RASA1: variants seen among roughly 807,000 people sequenced by gnomAD.
The protein encoded by RASA1 is RAS p21 protein activator 1.
A neutral mutation model predicts 132.2 loss-of-function variants in RASA1; 25 were observed. The observed-to-expected ratio is 0.19, with a 90% CI of 0.14 to 0.26. The LOEUF is 0.26. Ranked by LOEUF, RASA1 falls within the 10% of genes least tolerant of loss-of-function variation. The pLI is 1.00. For missense variants in RASA1, 964 were observed against 1,299.2 expected (o/e 0.74, Z 3.97); for synonymous variants, 477 against 449.9 (o/e 1.06, Z -0.76).
At position 87,268,693 on chromosome 5, in the gene RASA1, T is replaced by C; in HGVS notation, c.242T>C (p.Leu81Pro). The C allele has an allele frequency of 6.2e-7, 1 of 1,611,612 alleles. No individual in the cohort carries two copies. The highest frequency in any genetic ancestry group is 1.1e-5 in the South Asian group (1 of 90,802). ...GGAGCCGGGTCTGTGGCAGGGGCACTGGGGGGAGCTGGACTGACAGGGGGA... is the reference window on the plus strand; with the variant it reads ...GGAGCCGGGTCTGTGGCAGGGGCACCGGGGGGAGCTGGACTGACAGGGGGA... ...FLGAGSVAGA[L>P]GGAGLTGGGT... Residue 81 changes from leucine (L) to proline (P), a missense_variant, in exon 1 of 25, where the codon CTG becomes CCG. This residue lies in a region of RASA1 where 326 missense variants were observed against 275.8 expected (regional missense o/e 1.18). Transcript: ENST00000274376.
intron 20 of RASA1, among the ~76,000 whole-genome samples, chr5:87,383,197 T>C (rs908380696): frequency 1.3e-5 from 2 of 152,212 alleles, no homozygotes; most frequent in African/African-American, 4.8e-5. Context: ...AATGGATTCT[T>C]ATTTTTATGT....
chr5:87,374,459 A>ATTTTTTTTTTTT (rs770426797), intron 14 of RASA1, 139 bp downstream of exon 14: 1 of 164,164 alleles, frequency 6.1e-6, no homozygotes, highest in Admixed American at 7.3e-5. Flanking sequence ...ATATATATAT[A>ATTTTTTTTTTTT]TTTTTTTTTT....
chr5:87,390,305 C>T (rs933410039), intron 24 of RASA1, among the ~76,000 whole-genome samples: 1 of 152,274 alleles, frequency 6.6e-6, no homozygotes, highest in Middle Eastern at 3.4e-3. Context: ...ATAGTGAATG[C>T]TGTCACCGCA....
intron 9 of RASA1, among the ~76,000 whole-genome samples, chr5:87,358,912 T>G (rs1221894963): frequency 1.3e-5 from 2 of 151,500 alleles, no homozygotes; most frequent in Non-Finnish European, 2.9e-5. Flanking sequence ...CTCTTACATC[T>G]TTCAAGTTTT....
At chr5:87,369,773 T>C in intron 11 of RASA1, 40 bp from the exon 12 acceptor site, 2 of 1,459,788 alleles carry the variant, frequency 1.4e-6, no homozygotes, top group Non-Finnish European at 1.9e-6. Flanking sequence ...TTTGCTACTT[T>C]TTATTAAGCT....
chr5:87,305,822 A>C (rs1233202733), intron 1 of RASA1, among the ~76,000 whole-genome samples: 2 of 152,242 alleles, frequency 1.3e-5, no homozygotes, highest in Non-Finnish European at 2.9e-5. Context: ...GGCAAAGGAC[A>C]TGAAGAGACA....
rs774133026 is a variant in RASA1 at position 87,376,382 on chromosome 5, T to A, written c.2012-11T>A. Reference sequence around the variant, plus strand: ...CTTTTTAAACAATAATTGCTTGTTTTTCTTCCCAAGTATTTATGCGCTGCC... The same window carrying A: ...CTTTTTAAACAATAATTGCTTGTTTATCTTCCCAAGTATTTATGCGCTGCC... On this transcript the variant is annotated splice_polypyrimidine_tract_variant and intron_variant, in intron 15 of 24. Coordinates refer to ENST00000274376, the MANE Select transcript of RASA1 (RefSeq NM_002890.3). 1.5e-5 allele frequency: 25 copies of A among 1,613,716 alleles called. No individual in the cohort carries two copies. The highest frequency in any genetic ancestry group is 2.0e-5 in the Non-Finnish European group (24 of 1,179,914).
At chr5:87,288,740 C>T (rs935851160) in intron 1 of RASA1, among the ~76,000 whole-genome samples, 3 of 151,906 alleles carry the variant, frequency 2.0e-5, no homozygotes, top group Admixed American at 6.6e-5. Flanking sequence ...CAACTTTACC[C>T]CAAGTATTTG....
At chr5:87,376,681 CAG>C (rs1761349024) in intron 16 of RASA1, 116 bp downstream of exon 16, 2 of 1,346,128 alleles carry the variant, frequency 1.5e-6, no homozygotes, top group African/African-American at 1.5e-5. Context: ...ACAATGATGC[CAG>C]AGATTTTAAA....
intron 6 of RASA1, among the ~76,000 whole-genome samples, chr5:87,343,855 T>G (rs1758655420): frequency 6.6e-6 from 1 of 152,132 alleles, no homozygotes; most frequent in Non-Finnish European, 1.5e-5. Context: ...GAAAATATAG[T>G]ACATATACAC....
intron 15 of RASA1, 135 bp from the exon 16 acceptor site, chr5:87,376,258 T>C: frequency 1.0e-6 from 1 of 974,956 alleles, no homozygotes; most frequent in Non-Finnish European, 1.6e-6. Flanking sequence ...ATATTGAATT[T>C]GTGATGTTAC....
intron 1 of RASA1, among the ~76,000 whole-genome samples, chr5:87,292,367 CTTTT>C (rs76957126): frequency 1.7e-5 from 2 of 120,220 alleles, no homozygotes; most frequent in Admixed American, 8.2e-5. Context: ...TGTTTACATT[CTTTT>C]TTTTTTTTTT....
At chr5:87,378,747 T>C (rs765817357) in intron 18 of RASA1, among the ~76,000 whole-genome samples, 10 of 152,184 alleles carry the variant, frequency 6.6e-5, no homozygotes, top group Non-Finnish European at 1.3e-4. Flanking sequence ...TTAAAAACCA[T>C]CAAGTTGCAC....
At chr5:87,364,681 T>C (rs1037567448) in intron 11 of RASA1, among the ~76,000 whole-genome samples, 3 of 152,138 alleles carry the variant, frequency 2.0e-5, no homozygotes, top group African/African-American at 4.8e-5. Context: ...TTAGTTCTAC[T>C]CTGCACCCTT....
chr5:87,338,036 C>T lies in RASA1; in HGVS notation c.962C>T (p.Thr321Ile). Residue 321 changes from threonine (T) to isoleucine (I), a missense_variant, in exon 5 of 25, where the codon ACA becomes ATA. Around this residue, in one of 6 missense-constraint regions of RASA1, gnomAD observed 154 missense variants for 286.5 expected, o/e 0.54. Transcript: ENST00000274376. Reference sequence around the variant, plus strand: ...TTAGAAGATGGATGGATGTGGGTTACAAATTTAAGAACAGATGAACAAGGC... The same window carrying T: ...TTAGAAGATGGATGGATGTGGGTTATAAATTTAAGAACAGATGAACAAGGC... Reference protein sequence around the residue: ...NELEDGWMWVTNLRTDEQGLI... With the variant: ...NELEDGWMWVINLRTDEQGLI... The T allele has an allele frequency of 6.2e-7, 1 of 1,612,004 alleles. No homozygotes were observed. Among genetic ancestry groups the T allele is most frequent in the East Asian group, 2.2e-5 (1 of 44,628 alleles).
At chr5:87,384,570 T>G (rs1262672653) in intron 21 of RASA1, among the ~76,000 whole-genome samples, 2 of 152,160 alleles carry the variant, frequency 1.3e-5, no homozygotes, top group Non-Finnish European at 2.9e-5. Flanking sequence ...ATTATTAATA[T>G]TAAGGGTTTG....
chr5:87,347,171 A>G (rs753557094), intron 7 of RASA1, among the ~76,000 whole-genome samples: 9 of 152,038 alleles, frequency 5.9e-5, no homozygotes, highest in Non-Finnish European at 1.2e-4. Flanking sequence ...AAATACCATA[A>G]TTAACTAGTC....
chr5:87,379,614 C>G (rs1226632580), intron 18 of RASA1, 121 bp from the exon 19 acceptor site: 40 of 1,333,680 alleles, frequency 3.0e-5, no homozygotes, highest in Non-Finnish European at 4.0e-5. Context: ...GAAAAAAGAT[C>G]AATACACACA....
chr5:87,383,880 C>A, intron 21 of RASA1, 100 bp downstream of exon 21: 3 of 1,009,020 alleles, frequency 3.0e-6, no homozygotes, highest in Admixed American at 2.2e-5. Context: ...TTTTGATCAT[C>A]CAATTCTAGT....
Sources: allele counts gnomAD v4.1 joint callset (sites outside exome capture counted in the v4.1 genomes callset), GRCh38; gene constraint gnomAD v4.1.1; regional missense constraint gnomAD v4.1.1; transcripts MANE v1.5; gene names NCBI Gene and HGNC (gene_info 2026-07-23, HGNC 2026-07-21).